Variants in RASEF observed in about 807,000 individuals in gnomAD.
RASEF encodes the protein RAS and EF-hand domain containing, also known as ras and EF-hand domain-containing protein.
RASEF carries 68 observed loss-of-function variants against 90.1 expected under a neutral mutation model. The ratio of observed to expected loss-of-function variants is 0.75; its 90% confidence interval spans 0.62 to 0.92. The LOEUF (loss-of-function observed/expected upper bound fraction) is 0.92, where lower values mean the gene tolerates loss of function less well. Ranked by LOEUF, RASEF falls within the 40% of genes least tolerant of loss-of-function variation. RASEF has a pLI of 0.00. For missense variants in RASEF, 949 were observed against 937.2 expected (o/e 1.01, Z -0.16); for synonymous variants, 331 against 345.2 (o/e 0.96, Z 0.46).
At chr9:83,201,649 T>A in the RASEF span, among the ~76,000 whole-genome samples, 19 of 152,308 alleles carry the variant, frequency 1.2e-4, no homozygotes, top group African/African-American at 4.6e-4. Context: ...TACAAATTAG[T>A]TACTTGCCTG....
At chr9:83,032,347 G>T (rs922651562) in intron 1 of RASEF, among the ~76,000 whole-genome samples, 1 of 152,166 alleles carries the variant, frequency 6.6e-6, no homozygotes. Context: ...ATTCATCAAG[G>T]ACCCAGGGCC....
At chr9:83,089,903 TA>T in the RASEF span, among the ~76,000 whole-genome samples, 894 of 138,216 alleles carry the variant, frequency 6.5e-3, 5 homozygotes, top group African/African-American at 0.021. Context: ...GATAGATAGA[TA>T]GATAGATAGA....
chr9:83,013,291 T>C (rs1251065790), intron 4 of RASEF, among the ~76,000 whole-genome samples: 1 of 152,224 alleles, frequency 6.6e-6, no homozygotes, highest in Non-Finnish European at 1.5e-5. Context: ...GTATTCATTA[T>C]TGGAATGTTT....
the RASEF span, among the ~76,000 whole-genome samples, chr9:83,163,613 G>A: frequency 6.6e-6 from 1 of 152,196 alleles, no homozygotes; most frequent in African/African-American, 2.4e-5. Context: ...GAATAGACTG[G>A]AAACTGCTGA....
chr9:83,079,211 C>T, the RASEF span, among the ~76,000 whole-genome samples: 2 of 152,126 alleles, frequency 1.3e-5, no homozygotes, highest in Non-Finnish European at 2.9e-5. Context: ...TTTAATCCAT[C>T]TTGAGTTGAT....
chr9:83,205,292 G>A, the RASEF span, among the ~76,000 whole-genome samples: 1 of 152,200 alleles, frequency 6.6e-6, no homozygotes, highest in African/African-American at 2.4e-5. Context: ...GTGCAGAGTT[G>A]CTAGATGAAG....
Position 83,027,078 on chromosome 9 carries a change from GT to G in RASEF, c.432-1158del, listed in dbSNP as rs1194600825. On this transcript the variant is annotated intron_variant, in intron 1 of 16. Transcript: ENST00000376447. The stretch of plus-strand genomic sequence containing the variant: ...GAACTCAGGAAAACACTTGACTTAG[GT>G]TTACCAGTTTATCATAAAGAATATA... Among the ~76,000 whole-genome samples, 3 of 152,236 alleles carry G rather than the reference GT, an allele frequency of 2.0e-5. No homozygotes were observed. The East Asian group carries it at 5.8e-4, about 29-fold the overall frequency.
At chr9:82,989,611 A>C (rs898979954) in intron 16 of RASEF, among the ~76,000 whole-genome samples, 6 of 151,088 alleles carry the variant, frequency 4.0e-5, no homozygotes, top group African/African-American at 1.5e-4. Flanking sequence ...TCATACTAAA[A>C]TTAAGATTCT....
chr9:83,201,833 C>T, the RASEF span: 1 of 152,228 alleles, frequency 6.6e-6, no homozygotes, highest in African/African-American at 2.4e-5. Flanking sequence ...CTCCTAAGGG[C>T]ATGAATATAT....
the RASEF span, among the ~76,000 whole-genome samples, chr9:83,096,424 C>T: frequency 2.0e-5 from 3 of 152,054 alleles, no homozygotes; most frequent in African/African-American, 7.2e-5. Context: ...ACTGAACAGA[C>T]CCACCTTTGC....
the RASEF span, among the ~76,000 whole-genome samples, chr9:83,128,908 GA>G: frequency 6.6e-6 from 1 of 152,154 alleles, no homozygotes; most frequent in Non-Finnish European, 1.5e-5. Context: ...AAGTGATCAA[GA>G]AAAATTCTGC....
Position 83,008,838 on chromosome 9 carries a change from T to C in RASEF, c.959+803A>G, listed in dbSNP as rs559848993. Among the ~76,000 whole-genome samples, 232 of 145,012 alleles carry C rather than the reference T, an allele frequency of 1.6e-3. 1 individual carries two copies. Among genetic ancestry groups the C allele is most frequent in the African/African-American group, 5.7e-3 (227 of 39,560 alleles). On this transcript the variant is annotated intron_variant, in intron 6 of 16. Transcript: ENST00000376447. ...CTGATATTTTTTAGCTCTTCTGTTG[T>C]TAAACCCTATAATCTTTTTGCTTTT...
chr9:83,117,119 C>T, the RASEF span, among the ~76,000 whole-genome samples: 1 of 152,068 alleles, frequency 6.6e-6, no homozygotes, highest in East Asian at 1.9e-4. Context: ...ACTTTCAACT[C>T]ATGTTGGGGC....
intron 3 of RASEF, among the ~76,000 whole-genome samples, chr9:83,017,361 G>T (rs1443764322): frequency 6.6e-6 from 1 of 151,548 alleles, no homozygotes; most frequent in Non-Finnish European, 1.5e-5. Context: ...TTAGCCGGGT[G>T]TGGTGGCAGG....
chr9:83,013,315 A>G (rs1829281572), intron 4 of RASEF, among the ~76,000 whole-genome samples: 1 of 152,194 alleles, frequency 6.6e-6, no homozygotes, highest in Non-Finnish European at 1.5e-5. Flanking sequence ...CACTGATCAA[A>G]ATGGATCCCA....
chr9:83,208,784 C>A, the RASEF span, among the ~76,000 whole-genome samples: 1 of 152,150 alleles, frequency 6.6e-6, no homozygotes, highest in African/African-American at 2.4e-5. Flanking sequence ...TAAAGGGAAG[C>A]TATGAATATC....
chr9:83,212,164 T>C, the RASEF span, among the ~76,000 whole-genome samples: 1 of 152,200 alleles, frequency 6.6e-6, no homozygotes, highest in Non-Finnish European at 1.5e-5. Context: ...TGTTAACACA[T>C]AGCACTTAAT....
intron 1 of RASEF, among the ~76,000 whole-genome samples, chr9:83,033,504 A>C (rs561749919): frequency 3.7e-4 from 56 of 152,328 alleles, no homozygotes; most frequent in African/African-American, 9.9e-4. Flanking sequence ...AGCGTCAGGC[A>C]GGAGAGCTGG....
chr9:83,037,806 A>T (rs1829770932), intron 1 of RASEF, among the ~76,000 whole-genome samples: 1 of 144,274 alleles, frequency 6.9e-6, no homozygotes, highest in African/African-American at 2.6e-5. Context: ...GTTCAAAATC[A>T]GTTGGAAAAC....
Sources: gnomAD v4.1 joint callset for allele counts (sites outside exome capture counted in the v4.1 genomes callset) on GRCh38, gnomAD v4.1.1 for gene constraint, MANE v1.5 for transcripts, NCBI Gene and HGNC (gene_info 2026-07-23, HGNC 2026-07-21) for gene names.